TMEM131L: variants seen among roughly 807,000 people sequenced by gnomAD.
TMEM131L encodes transmembrane protein 131-like.
In TMEM131L, 54 loss-of-function variants were observed where a neutral mutation model predicts 192.2. The observed-to-expected ratio is 0.28, with a 90% CI of 0.23 to 0.35. The LOEUF is 0.35. TMEM131L is among the 10% of genes least tolerant of loss of function. The probability of loss-of-function intolerance (pLI) is 1.00; values close to 1 mark genes in which losing one functional copy is unlikely to be tolerated. For missense variants in TMEM131L, 1,888 were observed against 1,972.9 expected, an observed-to-expected ratio of 0.96 and a Z score of 0.82; for synonymous variants, 701 against 704.9, an observed-to-expected ratio of 0.99 and a Z score of 0.09.
At chr4:153,500,024 A>G (rs1465935817) in intron 3 of TMEM131L, among the ~76,000 whole-genome samples, 1 of 150,738 alleles carries the variant, frequency 6.6e-6, no homozygotes, top group Non-Finnish European at 1.5e-5. Context: ...TAACTTGGTC[A>G]GAACCAACCT....
At chr4:153,500,090 C>T (rs780936552) in intron 3 of TMEM131L, among the ~76,000 whole-genome samples, 1 of 151,910 alleles carries the variant, frequency 6.6e-6, no homozygotes, top group African/African-American at 2.4e-5. Flanking sequence ...CTGTCCCATC[C>T]CTCCCTCCCT....
chr4:153,553,851 C>A (rs1398077346), intron 4 of TMEM131L, among the ~76,000 whole-genome samples: 1 of 152,134 alleles, frequency 6.6e-6, no homozygotes, highest in East Asian at 1.9e-4. Context: ...AGAGTATCTT[C>A]CAGTTGTCAC....
chr4:153,467,115 T>G (rs1018238076), intron 1 of TMEM131L, 96 bp from the exon 2 acceptor site: 10 of 1,193,586 alleles, frequency 8.4e-6, no homozygotes, highest in African/African-American at 6.1e-5. Flanking sequence ...AGACGTGTTT[T>G]GGTGAGGCGG....
rs560140847 is a variant in TMEM131L at position 153,550,573 on chromosome 4, G to T, written c.308+432G>T. Among the ~76,000 whole-genome samples the T allele has an allele frequency of 6.6e-5, 10 of 152,242 alleles. No homozygotes were observed. The East Asian group carries it at 1.7e-3, about 26-fold the overall frequency. ...GATCTCCTGACTTCGTGATCCGCCC[G>T]CCTCGGCCTCCCAAAGTGCTGGGAT... On this transcript the variant is annotated intron_variant, in intron 4 of 34. Transcript: ENST00000409959.
At chr4:153,571,000 CTTTT>C (rs979031359) in intron 7 of TMEM131L, among the ~76,000 whole-genome samples, 4 of 152,040 alleles carry the variant, frequency 2.6e-5, no homozygotes, top group Non-Finnish European at 2.9e-5. Flanking sequence ...TGCTCTCTTT[CTTTT>C]TAAATTAGTA....
In TMEM131L at chr4:153,587,733, TC is replaced by T. The variant is rs768888986; in HGVS notation, c.1483-8del. ...TTTTAAGTTATTCATATATTACTTTTCAATCTAGGAAGGGAGTCTGGGTTTT... is the reference window on the plus strand; with the variant it reads ...TTTTAAGTTATTCATATATTACTTTTAATCTAGGAAGGGAGTCTGGGTTTT... On this transcript the variant is annotated splice_polypyrimidine_tract_variant and splice_region_variant and intron_variant, in intron 14 of 34. Transcript: ENST00000409959. The T allele has an allele frequency of 6.3e-7, 1 of 1,592,616 alleles. No homozygotes were observed. Among genetic ancestry groups the T allele is most frequent in the Non-Finnish European group, 8.6e-7 (1 of 1,160,540 alleles).
rs750443462 is a variant in TMEM131L at position 153,623,111 on chromosome 4, T to G, written c.4045+28T>G. On this transcript the variant is annotated intron_variant, in intron 29 of 34. Transcript: ENST00000409959. ...GAGTCCTGAGCAGAGCCCCAGGCAC[T>G]CTCGGTGGCCCTTCCCTCTGCCCTC... 1.8e-5 allele frequency: 27 copies of G among 1,540,498 alleles called. No individual in the cohort carries two copies. In the East Asian group the frequency reaches 5.9e-4, roughly 34 times the overall value.
In TMEM131L at chr4:153,604,260, G is replaced by A. The variant is rs901097856; in HGVS notation, c.3248G>A (p.Cys1083Tyr). The A allele has an allele frequency of 6.2e-7, 1 of 1,613,972 alleles. No homozygotes were observed. Among genetic ancestry groups the A allele is most frequent in the Non-Finnish European group, 8.5e-7 (1 of 1,180,000 alleles). Reference protein sequence around the residue: ...ECSMKEGIQTCMFPKETDIKT... With the variant: ...ECSMKEGIQTYMFPKETDIKT... The stretch of plus-strand genomic sequence containing the variant: ...AGTATGAAGGAGGGAATACAGACAT[G>A]TATGTTTCCTAAGGAAACTGACATT... The change falls in exon 25 of 35, where the codon TGT (cysteine) becomes TAT (tyrosine). Residue 1083 changes from cysteine (C) to tyrosine (Y), a missense_variant. Coordinates refer to ENST00000409959, the MANE Select transcript of TMEM131L (RefSeq NM_001131007.2).
intron 3 of TMEM131L, among the ~76,000 whole-genome samples, chr4:153,505,538 G>A (rs1469553479): frequency 1.3e-5 from 2 of 152,124 alleles, no homozygotes; most frequent in Admixed American, 6.5e-5. Context: ...AATGGGATGA[G>A]GACTTGCAGA....
At chr4:153,609,770 C>T (rs1732487357) in intron 25 of TMEM131L, among the ~76,000 whole-genome samples, 2 of 152,142 alleles carry the variant, frequency 1.3e-5, no homozygotes, top group Admixed American at 6.5e-5. Flanking sequence ...TTAAGGAAAT[C>T]CATTTTCTCA....
At chr4:153,485,977 G>A (rs752345873) in intron 3 of TMEM131L, among the ~76,000 whole-genome samples, 4 of 152,158 alleles carry the variant, frequency 2.6e-5, no homozygotes, top group Admixed American at 6.5e-5. Context: ...GAACATGTGC[G>A]TGATCCTAGG....
At chr4:153,532,830 T>C (rs1459944026) in intron 3 of TMEM131L, among the ~76,000 whole-genome samples, 2 of 152,206 alleles carry the variant, frequency 1.3e-5, no homozygotes, top group African/African-American at 4.8e-5. Context: ...TGGGTTCATG[T>C]ACCTACTAGT....
At chr4:153,520,084 A>C (rs1468030761) in intron 3 of TMEM131L, among the ~76,000 whole-genome samples, 1 of 152,152 alleles carries the variant, frequency 6.6e-6, no homozygotes, top group Non-Finnish European at 1.5e-5. Flanking sequence ...GGGATCTCTT[A>C]AGGCTTTGAA....
intron 26 of TMEM131L, among the ~76,000 whole-genome samples, chr4:153,614,941 A>G (rs900190985): frequency 1.3e-5 from 2 of 152,176 alleles, no homozygotes; most frequent in Non-Finnish European, 2.9e-5. Context: ...GGCCATTTAC[A>G]AAAGATAGCT....
At chr4:153,501,943 GTTTTTTTTTTT>G (rs575832226) in intron 3 of TMEM131L, among the ~76,000 whole-genome samples, 1 of 117,400 alleles carries the variant, frequency 8.5e-6, no homozygotes, top group Admixed American at 9.3e-5. Context: ...CCCCCAAAGG[GTTTTTTTTTTT>G]TTTTTTTTTT....
chr4:153,475,689 A>G (rs1475394517), intron 3 of TMEM131L, among the ~76,000 whole-genome samples: 2 of 152,230 alleles, frequency 1.3e-5, no homozygotes, highest in African/African-American at 4.8e-5. Flanking sequence ...ACAGAAAAAA[A>G]AAGTATCTGT....
chr4:153,599,193 A>G (rs1392863402), intron 21 of TMEM131L, among the ~76,000 whole-genome samples: 1 of 152,234 alleles, frequency 6.6e-6, no homozygotes. Flanking sequence ...ACATAGCTAA[A>G]GCAGGAGCAC....
At chr4:153,489,541 G>A (rs913899224) in intron 3 of TMEM131L, among the ~76,000 whole-genome samples, 3 of 152,106 alleles carry the variant, frequency 2.0e-5, no homozygotes, top group East Asian at 1.9e-4. Flanking sequence ...GCGGTGGTAC[G>A]ATCTCAGTTC....
chr4:153,609,993 T>C (rs1732504834), intron 25 of TMEM131L, among the ~76,000 whole-genome samples: 1 of 152,208 alleles, frequency 6.6e-6, no homozygotes. Flanking sequence ...CGCCAGTTTG[T>C]GTTTTAGAAG....
Sources: allele counts gnomAD v4.1 joint callset (sites outside exome capture counted in the v4.1 genomes callset), GRCh38; gene constraint gnomAD v4.1.1; transcripts MANE v1.5; gene names NCBI Gene and HGNC (gene_info 2026-07-23, HGNC 2026-07-21).